Variants in VPS41 observed in about 807,000 individuals in gnomAD.
VPS41 encodes the protein vacuolar protein sorting-associated protein 41 homolog.
Under a neutral mutation model 130.9 loss-of-function variants are expected in VPS41, and 85 were observed. The observed-to-expected ratio is 0.65, with a 90% CI of 0.55 to 0.78. The LOEUF (loss-of-function observed/expected upper bound fraction) is 0.78. Ranked by LOEUF, VPS41 falls within the 30% of genes least tolerant of loss-of-function variation. The pLI, the probability that VPS41 is intolerant of heterozygous loss-of-function variation, is 0.00. For missense variants in VPS41, 874 were observed against 1,018.7 expected (o/e 0.86, Z 1.93); for synonymous variants, 335 against 332.9 (o/e 1.01, Z -0.07).
chr7:38,799,392 T>C (rs1254106033), intron 7 of VPS41, among the ~76,000 whole-genome samples: 1 of 152,170 alleles, frequency 6.6e-6, no homozygotes, highest in African/African-American at 2.4e-5. Context: ...GGAATTCATA[T>C]GGTAACCAGA....
At position 38,821,974 on chromosome 7, in the gene VPS41, T is replaced by G. The variant is rs542826709; in HGVS notation, c.322-709A>C. Among the ~76,000 whole-genome samples the G allele has an allele frequency of 2.6e-5, 4 of 152,186 alleles. No individual in the cohort carries two copies. In the East Asian group the frequency reaches 7.7e-4, roughly 29 times the overall value. ...AAAGGGGAGATTTTTTTTTAGTGTC[T>G]CTCATATATATAAAATAAACCAACC... On this transcript the variant is annotated intron_variant, in intron 5 of 28. Transcript: ENST00000310301.
intron 22 of VPS41, among the ~76,000 whole-genome samples, chr7:38,747,203 T>C (rs971044270): frequency 3.9e-5 from 6 of 152,326 alleles, no homozygotes; most frequent in African/African-American, 1.2e-4. Context: ...GCAGTGATAC[T>C]ACTGCAGAGA....
chr7:38,819,278 C>CGGAA (rs1251873801), intron 6 of VPS41, among the ~76,000 whole-genome samples: 21 of 152,228 alleles, frequency 1.4e-4, no homozygotes, highest in Non-Finnish European at 1.5e-5. Flanking sequence ...GTCTAGGACT[C>CGGAA]TTCCAAGATT....
At chr7:38,842,934 C>A (rs992633744) in intron 4 of VPS41, among the ~76,000 whole-genome samples, 1 of 152,170 alleles carries the variant, frequency 6.6e-6, no homozygotes, top group Non-Finnish European at 1.5e-5. Context: ...CTACTTTAAA[C>A]TCAGCATCTG....
intron 22 of VPS41, among the ~76,000 whole-genome samples, chr7:38,750,382 A>G (rs1035292188): frequency 6.6e-6 from 1 of 152,232 alleles, no homozygotes; most frequent in South Asian, 2.1e-4. Flanking sequence ...AGTCCTAAAA[A>G]TATGGATTAC....
intron 15 of VPS41, 90 bp from the exon 16 acceptor site, chr7:38,765,751 G>A: frequency 1.3e-6 from 1 of 773,756 alleles, no homozygotes; most frequent in Non-Finnish European, 2.0e-6. Context: ...ATTTTCCCCA[G>A]AGGTTTAGAG....
In VPS41 at chr7:38,893,308, G is replaced by T. The variant is rs553551587; in HGVS notation, c.60+4783C>A. On this transcript the variant is annotated intron_variant, in intron 2 of 28. Coordinates refer to ENST00000310301, the MANE Select transcript of VPS41 (RefSeq NM_014396.4). ...ATTCCCTCCTTCCCAAAGACTCCCAGCTTCGCTGCCCAGACTCACCTCCCA... is the reference window on the plus strand; with the variant it reads ...ATTCCCTCCTTCCCAAAGACTCCCATCTTCGCTGCCCAGACTCACCTCCCA... Among the ~76,000 whole-genome samples the T allele has an allele frequency of 5.3e-5, 8 of 152,268 alleles. No individual in the cohort carries two copies. In the East Asian group the frequency reaches 1.4e-3, roughly 26 times the overall value.
intron 9 of VPS41, among the ~76,000 whole-genome samples, chr7:38,791,874 A>G (rs1483806135): frequency 6.6e-6 from 1 of 152,160 alleles, no homozygotes; most frequent in Non-Finnish European, 1.5e-5. Context: ...CACCAAAAAG[A>G]CTTGACAGGA....
At chr7:38,810,942 A>G (rs965565781) in intron 7 of VPS41, among the ~76,000 whole-genome samples, 3 of 152,126 alleles carry the variant, frequency 2.0e-5, no homozygotes, top group Non-Finnish European at 2.9e-5. Context: ...ATTGCAGCTG[A>G]AAGGATTGAA....
chr7:38,791,849 G>C (rs568972278), intron 9 of VPS41, among the ~76,000 whole-genome samples: 19 of 152,246 alleles, frequency 1.2e-4, no homozygotes, highest in Admixed American at 3.9e-4. Context: ...ATAGGTTTAG[G>C]GGGGGTAAAA....
chr7:38,813,512 C>A (rs1784983705), intron 7 of VPS41, among the ~76,000 whole-genome samples: 1 of 152,102 alleles, frequency 6.6e-6, no homozygotes. Context: ...ATCTGGTGAA[C>A]CTCATGGTAT....
chr7:38,774,814 C>T (rs1031782955), intron 11 of VPS41, among the ~76,000 whole-genome samples: 19 of 152,204 alleles, frequency 1.2e-4, no homozygotes, highest in African/African-American at 4.3e-4. Context: ...TCTTGGATCT[C>T]CAGTGCCCAG....
At chr7:38,864,600 GA>G (rs1786188433) in intron 3 of VPS41, among the ~76,000 whole-genome samples, 1 of 152,006 alleles carries the variant, frequency 6.6e-6, no homozygotes, top group African/African-American at 2.4e-5. Flanking sequence ...CAATATTATG[GA>G]TGAGTCATAT....
At chr7:38,843,612 G>A (rs1261763152) in intron 4 of VPS41, among the ~76,000 whole-genome samples, 1 of 151,978 alleles carries the variant, frequency 6.6e-6, no homozygotes, top group Non-Finnish European at 1.5e-5. Context: ...AACCCGGGAG[G>A]CGGAGCTTTT....
At chr7:38,765,997 C>G (rs774232865) in intron 15 of VPS41, among the ~76,000 whole-genome samples, 4 of 152,162 alleles carry the variant, frequency 2.6e-5, no homozygotes, top group Admixed American at 6.5e-5. Context: ...TTTCGGGAGA[C>G]CTTTCTTGCC....
At chr7:38,794,217 C>A (rs1389653596) in intron 9 of VPS41, among the ~76,000 whole-genome samples, 1 of 152,086 alleles carries the variant, frequency 6.6e-6, no homozygotes, top group Non-Finnish European at 1.5e-5. Flanking sequence ...GGATGAGTAA[C>A]CACACACGTG....
intron 7 of VPS41, among the ~76,000 whole-genome samples, chr7:38,816,899 A>G (rs1275186324): frequency 2.6e-5 from 4 of 151,930 alleles, no homozygotes; most frequent in African/African-American, 9.7e-5. Context: ...GCATACCACC[A>G]CACGCAGCTA....
chr7:38,790,716 C>T (rs143130414), intron 9 of VPS41, among the ~76,000 whole-genome samples: 130 of 152,248 alleles, frequency 8.5e-4, no homozygotes, highest in African/African-American at 2.7e-3. Context: ...TTTATATAAG[C>T]ATCAGAGGAG....
intron 7 of VPS41, among the ~76,000 whole-genome samples, chr7:38,815,743 C>A (rs1258242833): frequency 6.6e-6 from 1 of 152,168 alleles, no homozygotes; most frequent in Non-Finnish European, 1.5e-5. Context: ...AAAGACTAGA[C>A]TGGCTTAGCC....
Sources: gnomAD v4.1 joint callset for allele counts (sites outside exome capture counted in the v4.1 genomes callset) on GRCh38, gnomAD v4.1.1 for gene constraint, MANE v1.5 for transcripts, NCBI Gene and HGNC (gene_info 2026-07-23, HGNC 2026-07-21) for gene names.